Variants in TRIM61 observed in about 807,000 individuals in gnomAD.
TRIM61 encodes the protein tripartite motif containing 61.
A neutral mutation model predicts 14.2 loss-of-function variants in TRIM61; 1 was observed. The observed-to-expected ratio is 0.07, with a 90% CI of 0.03 to 0.33. TRIM61 has a LOEUF of 0.33. Among genes scored for constraint, TRIM61 ranks in the 10% least tolerant of loss-of-function variants. The pLI, the probability that TRIM61 is intolerant of heterozygous loss-of-function variation, is 0.99. For synonymous variants in TRIM61, 8 were observed against 71.6 expected (o/e 0.11, Z 4.49); for missense variants, 19 against 202.2 (o/e 0.09, Z 5.49).
intron 2 of TRIM61, among the ~76,000 whole-genome samples, chr4:164,972,300 T>C (rs953592486): frequency 6.6e-6 from 1 of 152,250 alleles, no homozygotes; most frequent in Admixed American, 6.5e-5. Context: ...CTTTTTCTTA[T>C]AAGAATATCA....
At chr4:164,975,091 G>A (rs1732453211) in intron 2 of TRIM61, among the ~76,000 whole-genome samples, 1 of 151,948 alleles carries the variant, frequency 6.6e-6, no homozygotes, top group African/African-American at 2.4e-5. Flanking sequence ...AAATTAGCCG[G>A]GCATGGTGGC....
chr4:164,956,023 A>G (rs1235419647), intron 3 of TRIM61, among the ~76,000 whole-genome samples: 1 of 152,214 alleles, frequency 6.6e-6, no homozygotes, highest in Non-Finnish European at 1.5e-5. Flanking sequence ...GGAACGAGGC[A>G]TTGATAACGC....
intron 3 of TRIM61, among the ~76,000 whole-genome samples, chr4:164,960,406 ATAGG>A (rs1315058406): frequency 6.6e-6 from 1 of 151,862 alleles, no homozygotes; most frequent in Non-Finnish European, 1.5e-5. Context: ...AGAAAAAAAA[ATAGG>A]TAGGCATGGT....
intron 3 of TRIM61, among the ~76,000 whole-genome samples, chr4:164,964,331 G>A (rs1185877336): frequency 6.9e-6 from 1 of 145,634 alleles, no homozygotes; most frequent in Non-Finnish European, 1.5e-5. Flanking sequence ...CTGGGTGACA[G>A]AGCGAGACTC....
chr4:164,968,959 G>A (rs1732300648), intron 3 of TRIM61: 7 of 1,005,548 alleles, frequency 7.0e-6, no homozygotes, highest in Non-Finnish European at 7.1e-6. Context: ...AGTACTGCCT[G>A]CCACAACTAT....
intron 3 of TRIM61, among the ~76,000 whole-genome samples, chr4:164,965,059 G>A (rs555024376): frequency 1.1e-3 from 173 of 152,284 alleles, no homozygotes; most frequent in African/African-American, 3.7e-3. Context: ...AGGCTGAGGC[G>A]GGTGGATCAC....
chr4:164,957,406 C>G (rs200503756), intron 3 of TRIM61: 3 of 1,613,908 alleles, frequency 1.9e-6, no homozygotes, highest in Admixed American at 1.7e-5. Flanking sequence ...GGAAGAGAAC[C>G]ACCATCAGGT....
chr4:164,970,746 C>T (rs1298312678), intron 2 of TRIM61, among the ~76,000 whole-genome samples: 1 of 151,802 alleles, frequency 6.6e-6, no homozygotes, highest in Non-Finnish European at 1.5e-5. Flanking sequence ...ATGATAAATA[C>T]AACGTGTGAC....
intron 3 of TRIM61, chr4:164,957,779 T>C (rs897527018): frequency 3.3e-6 from 1 of 300,872 alleles, no homozygotes; most frequent in Non-Finnish European, 6.5e-6. Context: ...TCAGACCATA[T>C]TTTCTTATTT....
intron 3 of TRIM61, among the ~76,000 whole-genome samples, chr4:164,967,252 A>T (rs1447315098): frequency 6.6e-6 from 1 of 152,244 alleles, no homozygotes; most frequent in Non-Finnish European, 1.5e-5. Flanking sequence ...AATTCATTGA[A>T]TAGATTCACT....
At chr4:164,957,142 G>T in intron 3 of TRIM61, 1 of 1,606,644 alleles carries the variant, frequency 6.2e-7, no homozygotes. Context: ...GCAGGGCTTC[G>T]GGTCTCCCTA....
chr4:164,957,333 C>T, intron 3 of TRIM61: 7 of 1,614,064 alleles, frequency 4.3e-6, no homozygotes, highest in Non-Finnish European at 5.1e-6. Flanking sequence ...GGCAGCATTC[C>T]GGCTGTCACG....
At chr4:164,957,286 T>A (rs953317820) in intron 3 of TRIM61, 2 of 1,614,056 alleles carry the variant, frequency 1.2e-6, no homozygotes, top group Non-Finnish European at 1.7e-6. Context: ...CCGCGTGCCC[T>A]GTCAGCCGCT....
chr4:164,963,647 G>A (rs957187240), intron 3 of TRIM61, among the ~76,000 whole-genome samples: 1 of 151,546 alleles, frequency 6.6e-6, no homozygotes, highest in Admixed American at 6.6e-5. Flanking sequence ...GGGAGGCTGA[G>A]ATGGGAGAAT....
intron 3 of TRIM61, chr4:164,957,423 C>A (rs574642064): frequency 3.7e-6 from 6 of 1,613,944 alleles, no homozygotes; most frequent in Non-Finnish European, 5.1e-6. Flanking sequence ...AGGTCCCAGC[C>A]TCTTTTTGTG....
At chr4:164,962,877 C>T (rs1579144491) in intron 3 of TRIM61, among the ~76,000 whole-genome samples, 1 of 151,944 alleles carries the variant, frequency 6.6e-6, no homozygotes, top group South Asian at 2.1e-4. Flanking sequence ...TATATGAATA[C>T]AAGACCACAA....
intron 3 of TRIM61, chr4:164,956,960 G>T: frequency 7.0e-7 from 1 of 1,421,394 alleles, no homozygotes. Context: ...TTCGACTTCC[G>T]GGTGAGACCG....
At chr4:164,962,221 CTTTT>C (rs10712896) in intron 3 of TRIM61, among the ~76,000 whole-genome samples, 6 of 128,912 alleles carry the variant, frequency 4.7e-5, no homozygotes, top group Non-Finnish European at 4.9e-5. Flanking sequence ...ATAGTTACTT[CTTTT>C]TTTTTTTTTT....
intron 3 of TRIM61, chr4:164,957,330 T>C: frequency 6.2e-7 from 1 of 1,614,132 alleles, no homozygotes; most frequent in African/African-American, 1.3e-5. Context: ...AGTGGCAGCA[T>C]TCCGGCTGTC....
Sources: gnomAD v4.1 joint callset for allele counts (sites outside exome capture counted in the v4.1 genomes callset) on GRCh38, gnomAD v4.1.1 for gene constraint, MANE v1.5 for transcripts, NCBI Gene and HGNC (gene_info 2026-07-23, HGNC 2026-07-21) for gene names.